Variants in UNC5C observed in about 807,000 individuals in gnomAD.
UNC5C encodes unc-5 netrin receptor C.
A neutral mutation model predicts 99.8 loss-of-function variants in UNC5C; 47 were observed. The observed-to-expected ratio is 0.47, with a 90% CI of 0.37 to 0.60. UNC5C has a LOEUF of 0.60. UNC5C is among the 20% of genes least tolerant of loss of function. The pLI is 0.00. For missense variants in UNC5C, 1,062 were observed against 1,165.9 expected (o/e 0.91, Z 1.30); for synonymous variants, 487 against 452.2 (o/e 1.08, Z -0.98).
At chr4:95,245,584 G>T (rs1194802749) in intron 5 of UNC5C, among the ~76,000 whole-genome samples, 2 of 152,160 alleles carry the variant, frequency 1.3e-5, no homozygotes, top group Non-Finnish European at 1.5e-5. Context: ...GATTTTTTAA[G>T]CATATGTAAA....
chr4:95,213,721 C>G (rs1340954600), intron 10 of UNC5C, among the ~76,000 whole-genome samples: 1 of 152,204 alleles, frequency 6.6e-6, no homozygotes. Context: ...GAAAAATGCT[C>G]AGAATTTTCC....
Position 95,508,527 on chromosome 4 carries a change from G to T in UNC5C, c.124+40207C>A, listed in dbSNP as rs538477848. Among the ~76,000 whole-genome samples, 69 of 151,946 alleles carry T rather than the reference G, an allele frequency of 4.5e-4. 5 individuals are homozygous for T. In the South Asian group the frequency reaches 0.013, roughly 29 times the overall value. On this transcript the variant is annotated intron_variant, in intron 1 of 15. Coordinates refer to ENST00000453304, the MANE Select transcript of UNC5C (RefSeq NM_003728.4). ...AATATGAATTCTCTGCTCCAGACAG[G>T]CTGAACTAAAAAAAATGCCCTTTGA...
rs1745086882 is a variant in UNC5C at position 95,382,012 on chromosome 4, A to AG, written c.125-46382dup. Among the ~76,000 whole-genome samples, 6 of 152,308 alleles carry AG rather than the reference A, an allele frequency of 3.9e-5. No homozygotes were observed. The South Asian group carries it at 1.2e-3, about 32-fold the overall frequency. Reference sequence around the variant, plus strand: ...ATCCACTCTCAAGCTCAGGAGTCCCAGACGAAGTAAGAAGCTTGTCTCCAA... The same window carrying AG: ...ATCCACTCTCAAGCTCAGGAGTCCCAGGACGAAGTAAGAAGCTTGTCTCCAA... On this transcript the variant is annotated intron_variant, in intron 1 of 15. Coordinates refer to ENST00000453304, the MANE Select transcript of UNC5C (RefSeq NM_003728.4).
At chr4:95,531,867 C>T (rs890736974) in intron 1 of UNC5C, among the ~76,000 whole-genome samples, 2 of 152,178 alleles carry the variant, frequency 1.3e-5, no homozygotes, top group African/African-American at 2.4e-5. Context: ...ATTTTTGGCA[C>T]AACAATAACC....
intron 5 of UNC5C, chr4:95,248,434 A>G (rs2149381074): frequency 2.5e-6 from 1 of 395,768 alleles, no homozygotes; most frequent in East Asian, 7.4e-5. Context: ...AGTTATTTTA[A>G]TAAGATCGAT....
chr4:95,370,112 T>C (rs1270241623), intron 1 of UNC5C, among the ~76,000 whole-genome samples: 4 of 152,218 alleles, frequency 2.6e-5, no homozygotes, highest in South Asian at 2.1e-4. Flanking sequence ...TATGTGGCTA[T>C]TGAGCCTTGA....
intron 1 of UNC5C, among the ~76,000 whole-genome samples, chr4:95,411,622 A>G (rs1055126228): frequency 2.6e-5 from 4 of 152,240 alleles, no homozygotes; most frequent in Non-Finnish European, 4.4e-5. Flanking sequence ...AATAATTCAC[A>G]TACTGCAGTA....
intron 12 of UNC5C, among the ~76,000 whole-genome samples, chr4:95,189,143 T>G (rs1233239594): frequency 6.6e-6 from 1 of 152,212 alleles, no homozygotes; most frequent in Non-Finnish European, 1.5e-5. Context: ...TCAAGTTCCT[T>G]TGCAGAAGTT....
intron 1 of UNC5C, among the ~76,000 whole-genome samples, chr4:95,452,496 A>G (rs1747305867): frequency 6.6e-6 from 1 of 152,116 alleles, no homozygotes; most frequent in Admixed American, 6.6e-5. Context: ...GATGTATGTT[A>G]ATGGCACTGA....
intron 7 of UNC5C, among the ~76,000 whole-genome samples, chr4:95,234,582 T>C (rs1369139465): frequency 6.6e-6 from 1 of 152,204 alleles, no homozygotes; most frequent in African/African-American, 2.4e-5. Flanking sequence ...CAATTAAGTA[T>C]GTGCTTATGA....
In UNC5C at chr4:95,239,605, G is replaced by A. The variant is rs1177912468; in HGVS notation, c.1108+2824C>T. 2.0e-5 allele frequency among the ~76,000 whole-genome samples: 3 copies of A among 152,086 alleles called. No homozygotes were observed. The East Asian group carries it at 5.8e-4, about 29-fold the overall frequency. ...GTTACCTCTCTAGCTTGGAGTTGCA[G>A]CTTCATTTTTGGCATTTGAGGATTT... On this transcript the variant is annotated intron_variant, in intron 7 of 15. Coordinates refer to ENST00000453304, the MANE Select transcript of UNC5C (RefSeq NM_003728.4).
intron 4 of UNC5C, among the ~76,000 whole-genome samples, chr4:95,260,622 G>A (rs917438260): frequency 1.3e-5 from 2 of 152,200 alleles, no homozygotes; most frequent in Non-Finnish European, 2.9e-5. Flanking sequence ...GACACATTCT[G>A]TGTTAAAGAA....
At chr4:95,176,858 G>A (rs1307756778) in intron 14 of UNC5C, among the ~76,000 whole-genome samples, 1 of 152,374 alleles carries the variant, frequency 6.6e-6, no homozygotes, top group African/African-American at 2.4e-5. Context: ...CCGCCTTGCA[G>A]TTTGATCTCA....
Position 95,278,382 on chromosome 4 carries a change from A to G in UNC5C, c.491-20T>C. The G allele has an allele frequency of 6.3e-7, 1 of 1,584,538 alleles. No individual in the cohort carries two copies. Among genetic ancestry groups the G allele is most frequent in the Non-Finnish European group, 8.7e-7 (1 of 1,153,324 alleles). On this transcript the variant is annotated intron_variant, in intron 3 of 15. Coordinates refer to ENST00000453304, the MANE Select transcript of UNC5C (RefSeq NM_003728.4). The stretch of plus-strand genomic sequence containing the variant: ...GTAGATCTGGAACGTAAAAGTGACA[A>G]AATACATGTCAAAATTAAACAACAT...
chr4:95,308,004 G>A (rs145224125), intron 2 of UNC5C, among the ~76,000 whole-genome samples: 12 of 152,244 alleles, frequency 7.9e-5, no homozygotes, highest in African/African-American at 2.6e-4. Flanking sequence ...GCCCAGACCT[G>A]GCATTACGTT....
chr4:95,411,557 C>A (rs777736828), intron 1 of UNC5C, among the ~76,000 whole-genome samples: 34 of 152,146 alleles, frequency 2.2e-4, no homozygotes, highest in Non-Finnish European at 4.3e-4. Context: ...TAGCATCAGG[C>A]TGTTTTGTAT....
intron 2 of UNC5C, among the ~76,000 whole-genome samples, chr4:95,330,153 C>T (rs557342182): frequency 3.3e-5 from 5 of 151,984 alleles, no homozygotes; most frequent in Non-Finnish European, 7.4e-5. Context: ...TTCTTGATCT[C>T]TATTTTAATC....
intron 1 of UNC5C, among the ~76,000 whole-genome samples, chr4:95,370,594 T>C (rs1744714343): frequency 6.6e-6 from 1 of 152,218 alleles, no homozygotes. Flanking sequence ...AAGGTTTATT[T>C]GTACTCATTT....
At chr4:95,278,125 G>A (rs1309092045) in intron 4 of UNC5C, 134 bp downstream of exon 4, 14 of 695,068 alleles carry the variant, frequency 2.0e-5, no homozygotes, top group Non-Finnish European at 3.2e-5. Context: ...TTTGCCAGCA[G>A]CAGGCAGTTA....
Sources: gnomAD v4.1 joint callset for allele counts (sites outside exome capture counted in the v4.1 genomes callset) on GRCh38, gnomAD v4.1.1 for gene constraint, MANE v1.5 for transcripts, NCBI Gene and HGNC (gene_info 2026-07-23, HGNC 2026-07-21) for gene names.